NOD2: variants seen among roughly 807,000 people sequenced by gnomAD.
NOD2 encodes the protein nucleotide binding oligomerization domain containing 2.
In NOD2, 86 loss-of-function variants were observed where a neutral mutation model predicts 90.9. That is an observed-to-expected ratio of 0.95 (90% CI 0.79 to 1.13). The LOEUF (loss-of-function observed/expected upper bound fraction) is 1.13, where lower values mean the gene tolerates loss of function less well. Ranked by LOEUF, NOD2 falls within the 50% of genes most tolerant of loss-of-function variation. The pLI, the probability that NOD2 is intolerant of heterozygous loss-of-function variation, is 0.00. For missense variants in NOD2, 1,238 were observed against 1,283.8 expected, an observed-to-expected ratio of 0.96 and a Z score of 0.55; for synonymous variants, 581 against 554.6, an observed-to-expected ratio of 1.05 and a Z score of -0.67.
intron 7 of NOD2, among the ~76,000 whole-genome samples, chr16:50,721,329 G>A (rs554699230): frequency 4.7e-5 from 7 of 150,326 alleles, no homozygotes; most frequent in African/African-American, 1.2e-4. Context: ...ACCCCCAAAC[G>A]CTGTCATATG....
intron 1 of NOD2, among the ~76,000 whole-genome samples, chr16:50,694,112 T>C (rs1454235475): frequency 6.6e-6 from 1 of 152,138 alleles, no homozygotes; most frequent in East Asian, 1.9e-4. Flanking sequence ...CCCAGCTGTT[T>C]GCTCTCCTAT....
At chr16:50,721,214 A>T (rs918085841) in intron 7 of NOD2, among the ~76,000 whole-genome samples, 5 of 151,686 alleles carry the variant, frequency 3.3e-5, no homozygotes, top group Non-Finnish European at 7.4e-5. Flanking sequence ...CCACAGCCCC[A>T]CTGAACTCTC....
In NOD2 at chr16:50,710,615, G is replaced by T. The variant is rs201790577; in HGVS notation, c.623G>T (p.Arg208Leu). The change falls in exon 4 of 12, where the codon CGC becomes CTC. Residue 208 changes from arginine to leucine, a missense_variant. By Grantham distance (102) the Arg-to-Leu change is moderately radical. This residue lies in a region of NOD2 where 567 missense variants were observed against 577.3 expected (regional missense o/e 0.98). Coordinates refer to ENST00000647318, the MANE Select transcript of NOD2 (RefSeq NM_001370466.1). Reference sequence around the variant, plus strand: ...AGGACCACGGTGTCTGCTCAGTCTCGCTTCCTCAGTACCTATGATGGAGCA... The same window carrying T: ...AGGACCACGGTGTCTGCTCAGTCTCTCTTCCTCAGTACCTATGATGGAGCA... ...KLRTTVSAQS[R>L]FLSTYDGAET... The T allele has an allele frequency of 5.0e-6, 8 of 1,614,146 alleles. No homozygotes were observed. In the East Asian group the frequency reaches 1.8e-4, roughly 36 times the overall value.
rs545653878 is a variant in NOD2 at position 50,706,870 on chromosome 16, G to A, written c.460-985G>A. On this transcript the variant is annotated intron_variant, in intron 2 of 11. Transcript: ENST00000647318. Reference sequence around the variant, plus strand: ...TGCCACCACGCCTGGCTAATTTTTTGTATTTTTAGTAGTGATGGGGTTTCA... The same window carrying A: ...TGCCACCACGCCTGGCTAATTTTTTATATTTTTAGTAGTGATGGGGTTTCA... Among the ~76,000 whole-genome samples, 19 of 151,972 alleles carry A rather than the reference G, an allele frequency of 1.3e-4. No individual in the cohort carries two copies. In the East Asian group the frequency reaches 3.3e-3, roughly 26 times the overall value.
intron 10 of NOD2, among the ~76,000 whole-genome samples, chr16:50,726,430 C>T (rs1193427305): frequency 6.6e-6 from 1 of 152,208 alleles, no homozygotes; most frequent in East Asian, 1.9e-4. Flanking sequence ...TCTGGCGACA[C>T]TCATTTGTGT....
In NOD2 at chr16:50,711,126, C is replaced by T; in HGVS notation, c.1134C>T (p.Thr378=). The T allele has an allele frequency of 4.3e-6, 7 of 1,614,160 alleles. No individual in the cohort carries two copies. Among genetic ancestry groups the T allele is most frequent in the Non-Finnish European group, 5.9e-6 (7 of 1,180,016 alleles). ...CSPTDPTSVQ[T]LLFNLLQGNL... ...CGACCGACCCCACCTCTGTCCAGAC[C>T]CTGCTCTTCAACCTTCTGCAGGGCA... The change falls in exon 4 of 12, where the codon ACC becomes ACT. Residue 378 remains threonine (T), a synonymous_variant. Transcript: ENST00000647318.
intron 6 of NOD2, 25 bp downstream of exon 6, chr16:50,716,999 C>T (rs1964831036): frequency 6.2e-7 from 1 of 1,610,434 alleles, no homozygotes; most frequent in Middle Eastern, 1.7e-4. Context: ...TCCTTATTCC[C>T]TGGAAACTAT....
intron 10 of NOD2, chr16:50,727,451 C>A: frequency 5.0e-6 from 1 of 200,990 alleles, no homozygotes; most frequent in Non-Finnish European, 1.0e-5. Flanking sequence ...AAAATAGGAA[C>A]CATTAAAATC....
At chr16:50,730,002 C>A in intron 11 of NOD2, 101 bp downstream of exon 11, 3 of 779,110 alleles carry the variant, frequency 3.9e-6, no homozygotes, top group Non-Finnish European at 4.5e-6. Flanking sequence ...TTTGAGGATC[C>A]CTTCTGATTC....
intron 2 of NOD2, among the ~76,000 whole-genome samples, chr16:50,705,588 G>C (rs556726360): frequency 4.6e-5 from 7 of 152,328 alleles, no homozygotes; most frequent in African/African-American, 1.7e-4. Flanking sequence ...CCTTTTGCCT[G>C]GGGATAAACC....
rs2150847811 is a variant in NOD2 at position 50,732,610 on chromosome 16, T to C, written c.*791T>C. ...TCCAGTGAAATCAGTTACTCTTCAGTTAAGCCTTTGGAAACAGCTCGACTT... is the reference window on the plus strand; with the variant it reads ...TCCAGTGAAATCAGTTACTCTTCAGCTAAGCCTTTGGAAACAGCTCGACTT... On this transcript the variant is annotated 3_prime_UTR_variant, in exon 12 of 12. Transcript: ENST00000647318. 6.6e-6 allele frequency: 1 copy of C among 152,530 alleles called. No homozygotes were observed. Among genetic ancestry groups the C allele is most frequent in the South Asian group, 2.1e-4 (1 of 4,830 alleles). 9.4% of individuals were successfully genotyped at this position (152,530 alleles called of 1,614,324 possible). A position where few individuals can be genotyped will look rare whatever the true frequency, so the allele number is the denominator to read the frequency against.
rs1964525361 is a variant in NOD2 at position 50,711,777 on chromosome 16, A to G, written c.1785A>G (p.Pro595=). The G allele has an allele frequency of 3.7e-6, 6 of 1,614,214 alleles. No individual in the cohort carries two copies. Among genetic ancestry groups the G allele is most frequent in the African/African-American group, 1.3e-5 (1 of 75,070 alleles). ...AFYLALSADV[P]PALLRHLFNC... ...ACCTGGCACTCAGTGCTGATGTGCC[A>G]CCAGCTTTGCTCAGACACCTCTTCA... is the stretch of plus-strand genomic sequence containing the variant. The change falls in exon 4 of 12, where the codon CCA becomes CCG. Residue 595 remains proline, a synonymous_variant. Coordinates refer to ENST00000647318, the MANE Select transcript of NOD2 (RefSeq NM_001370466.1).
At position 50,711,159 on chromosome 16, in the gene NOD2, G is replaced by A. The variant is rs2150809554; in HGVS notation, c.1167G>A (p.Leu389=). The A allele has an allele frequency of 1.9e-6, 3 of 1,614,166 alleles. No individual in the cohort carries two copies. Among genetic ancestry groups the A allele is most frequent in the East Asian group, 2.2e-5 (1 of 44,872 alleles). Residue 389 remains leucine (L), a synonymous_variant, in exon 4 of 12, where the codon CTG becomes CTA. Transcript: ENST00000647318. ...TCAACCTTCTGCAGGGCAACCTGCTGAAGAATGCCCGCAAGGTGGTGACCA... is the reference window on the plus strand; with the variant it reads ...TCAACCTTCTGCAGGGCAACCTGCTAAAGAATGCCCGCAAGGTGGTGACCA... ...LLFNLLQGNL[L]KNARKVVTSR...
At chr16:50,726,217 G>A (rs980690620) in intron 10 of NOD2, among the ~76,000 whole-genome samples, 2 of 152,306 alleles carry the variant, frequency 1.3e-5, no homozygotes, top group African/African-American at 4.8e-5. Context: ...ACCATCATGG[G>A]TTTGTCAGGG....
chr16:50,707,571 T>G (rs962190526), intron 2 of NOD2, among the ~76,000 whole-genome samples: 12 of 152,238 alleles, frequency 7.9e-5, no homozygotes, highest in African/African-American at 2.9e-4. Flanking sequence ...TGCAGAATCA[T>G]TTTCCCTATC....
intron 1 of NOD2, 121 bp from the exon 2 acceptor site, chr16:50,699,367 G>C: frequency 1.3e-6 from 1 of 792,094 alleles, no homozygotes; most frequent in Admixed American, 1.9e-5. Context: ...ATTGGGTAAT[G>C]TCTGAGGCTA....
chr16:50,707,294 GA>G (rs1439813764), intron 2 of NOD2, among the ~76,000 whole-genome samples: 2 of 152,240 alleles, frequency 1.3e-5, no homozygotes, highest in Non-Finnish European at 2.9e-5. Flanking sequence ...GCACCTGGAA[GA>G]AAGGGGTTAA....
chr16:50,731,826 C>G lies in NOD2; in HGVS notation c.*7C>G, dbSNP rs910892076. On this transcript the variant is annotated 3_prime_UTR_variant, in exon 12 of 12. Transcript: ENST00000647318. ...CACCAGACTCTTGCTTTGAAGTCTC[C>G]GGGAGGATGTTCGTCTCAGTTTGTT... 4 of 1,609,292 alleles carry G rather than the reference C, an allele frequency of 2.5e-6. No homozygotes were observed. Among genetic ancestry groups the G allele is most frequent in the Admixed American group, 1.7e-5 (1 of 59,992 alleles).
Position 50,699,771 on chromosome 16 carries a change from G to T in NOD2, c.276G>T (p.Leu92=), listed in dbSNP as rs672601267. ...AGGCCGACAGCCAGTCCCCCAAGCT[G>T]CATGGCTGCTGGGACCCCCACTCGC... ...EAQADSQSPK[L]HGCWDPHSLH... The change falls in exon 2 of 12, where the codon CTG becomes CTT. Residue 92 remains leucine, a synonymous_variant. Transcript: ENST00000647318. 3 of 1,613,886 alleles carry T rather than the reference G, an allele frequency of 1.9e-6. No individual in the cohort carries two copies. Among genetic ancestry groups the T allele is most frequent in the South Asian group, 1.1e-5 (1 of 91,084 alleles).
Sources: gnomAD v4.1 joint callset for allele counts (sites outside exome capture counted in the v4.1 genomes callset) on GRCh38, gnomAD v4.1.1 for gene constraint, gnomAD v4.1.1 regional missense constraint, MANE v1.5 for transcripts, NCBI Gene and HGNC (gene_info 2026-07-23, HGNC 2026-07-21) for gene names.